The following INTS10 variants were observed in gnomAD, a reference collection of about 807,000 sequenced individuals.
The protein encoded by INTS10 is integrator complex subunit 10, also known as chromosome 8 open reading frame 35.
A neutral mutation model predicts 94.4 loss-of-function variants in INTS10; 44 were observed. That is an observed-to-expected ratio of 0.47 (90% CI 0.37 to 0.60). The LOEUF is 0.60. INTS10 is among the 20% of genes least tolerant of loss of function. The probability of loss-of-function intolerance (pLI) is 0.00; values close to 1 mark genes in which losing one functional copy is unlikely to be tolerated. For synonymous variants in INTS10, 341 were observed against 320.7 expected (o/e 1.06, Z -0.68); for missense variants, 797 against 868.7 (o/e 0.92, Z 1.04).
chr8:19,823,915 G>T lies in INTS10; in HGVS notation c.707G>T (p.Ser236Ile). Reference sequence around the variant, plus strand: ...GATTTAATGTCACCTAGCAAACGTAGCTCTCAGAAGTACATAATAGAAGGG... The same window carrying T: ...GATTTAATGTCACCTAGCAAACGTATCTCTCAGAAGTACATAATAGAAGGG... ...TSDLMSPSKR[S>I]SQKYIIEGLT... Residue 236 changes from serine (S) to isoleucine (I), a missense_variant, in exon 7 of 17, where the codon AGC (serine) becomes ATC (isoleucine). Around this residue, in one of 3 missense-constraint regions of INTS10, gnomAD observed 734 missense variants for 787.8 expected, o/e 0.93. Coordinates refer to ENST00000397977, the MANE Select transcript of INTS10 (RefSeq NM_018142.4). 1 of 1,612,154 alleles carries T rather than the reference G, an allele frequency of 6.2e-7. No individual in the cohort carries two copies. Among genetic ancestry groups the T allele is most frequent in the South Asian group, 1.1e-5 (1 of 90,606 alleles).
chr8:19,835,281 C>T (rs984625965), intron 12 of INTS10, among the ~76,000 whole-genome samples: 2 of 152,116 alleles, frequency 1.3e-5, no homozygotes, highest in African/African-American at 4.8e-5. Context: ...TCGTTGCTTT[C>T]TAAAATACTG....
chr8:19,833,519 A>G (rs2067408629), intron 12 of INTS10, among the ~76,000 whole-genome samples, 198 bp downstream of exon 12: 1 of 152,218 alleles, frequency 6.6e-6, no homozygotes, highest in South Asian at 2.1e-4. Flanking sequence ...CTTCCCTGAA[A>G]TAAGGCATCA....
intron 13 of INTS10, 30 bp from the exon 14 acceptor site, chr8:19,842,818 C>T (rs769915087): frequency 1.3e-6 from 2 of 1,489,466 alleles, no homozygotes. Context: ...TAATAACATA[C>T]ATTAACCTAA....
chr8:19,840,585 G>A lies in INTS10; in HGVS notation c.1640-2263G>A, dbSNP rs1008350989. ...ATCAAGACAGAGTTGACAAAATATC[G>A]ACATAAGAATGGAGAATCCAGAAAT... On this transcript the variant is annotated intron_variant, in intron 13 of 16. Transcript: ENST00000397977. Among the ~76,000 whole-genome samples the A allele has an allele frequency of 4.6e-5, 7 of 152,046 alleles. No homozygotes were observed. In the South Asian group the frequency reaches 8.3e-4, roughly 18 times the overall value.
chr8:19,830,532 C>T lies in INTS10; in HGVS notation c.1267C>T (p.Leu423Phe), dbSNP rs771504311. 6.2e-7 allele frequency: 1 copy of T among 1,613,772 alleles called. No homozygotes were observed. The highest frequency in any genetic ancestry group is 2.2e-5 in the East Asian group (1 of 44,876). ...ATTGGCCAGGGAGAGCTGGGAGTTG[C>T]TCTATTCCCTAGAATTCCTTGACAA... Reference protein sequence around the residue: ...FKLARESWELLYSLEFLDKEF... With the variant: ...FKLARESWELFYSLEFLDKEF... The change falls in exon 10 of 17, where the codon CTC (leucine) becomes TTC (phenylalanine). Residue 423 changes from leucine (L) to phenylalanine (F), a missense_variant. Transcript: ENST00000397977.
At chr8:19,826,396 G>T (rs746860212) in intron 8 of INTS10, 30 bp from the exon 9 acceptor site, 1 of 1,594,708 alleles carries the variant, frequency 6.3e-7, no homozygotes, top group Middle Eastern at 1.7e-4. Context: ...TGCTGCACTG[G>T]TAAGTGTTGG....
intron 13 of INTS10, among the ~76,000 whole-genome samples, chr8:19,837,815 GT>G (rs970232269): frequency 2.1e-4 from 32 of 149,130 alleles, no homozygotes; most frequent in Admixed American, 8.1e-4. Context: ...AAAACTGGAA[GT>G]TTTTTTTTTG....
intron 4 of INTS10, 107 bp downstream of exon 4, chr8:19,820,625 G>T: frequency 1.1e-6 from 1 of 941,430 alleles, no homozygotes; most frequent in South Asian, 2.3e-5. Flanking sequence ...AAGAGTACTG[G>T]TTAAGATTGA....
chr8:19,817,509 C>T lies in INTS10; in HGVS notation c.-29C>T, dbSNP rs774128452. ...CCAGAGCCGGACGTTCCGGCCGCTTCGGGCTGGCGGCTGGAGAGCGCTCGG... is the reference window on the plus strand; with the variant it reads ...CCAGAGCCGGACGTTCCGGCCGCTTTGGGCTGGCGGCTGGAGAGCGCTCGG... On this transcript the variant is annotated 5_prime_UTR_variant, in exon 1 of 17. Transcript: ENST00000397977. The T allele has an allele frequency of 1.1e-5, 18 of 1,597,370 alleles. No individual in the cohort carries two copies. The highest frequency in any genetic ancestry group is 2.2e-4 in the Middle Eastern group (1 of 4,574).
At chr8:19,829,859 G>A (rs1006855486) in intron 9 of INTS10, among the ~76,000 whole-genome samples, 8 of 152,060 alleles carry the variant, frequency 5.3e-5, no homozygotes, top group Non-Finnish European at 1.2e-4. Flanking sequence ...ATAGAGACTG[G>A]GTTTCGCCAT....
intron 4 of INTS10, 104 bp downstream of exon 4, chr8:19,820,622 C>A: frequency 9.9e-7 from 1 of 1,008,528 alleles, no homozygotes; most frequent in Non-Finnish European, 1.4e-6. Context: ...CTGAAGAGTA[C>A]TGGTTAAGAT....
chr8:19,838,000 G>C (rs529327588), intron 13 of INTS10, among the ~76,000 whole-genome samples: 2 of 152,172 alleles, frequency 1.3e-5, no homozygotes, highest in Non-Finnish European at 2.9e-5. Flanking sequence ...TAACAACTTA[G>C]ATGAAATGAA....
chr8:19,818,358 G>C lies in INTS10; in HGVS notation c.197+16G>C. The C allele has an allele frequency of 1.2e-6, 2 of 1,612,662 alleles. No individual in the cohort carries two copies. The highest frequency in any genetic ancestry group is 1.7e-6 in the Non-Finnish European group (2 of 1,179,314). On this transcript the variant is annotated intron_variant, in intron 2 of 16. Coordinates refer to ENST00000397977, the MANE Select transcript of INTS10 (RefSeq NM_018142.4). ...TGTACGACATGTGAGTGGGACGCTT[G>C]ACATCACTTTTACTGCACTGAATCT...
intron 2 of INTS10, among the ~76,000 whole-genome samples, chr8:19,819,178 T>C (rs2066173273): frequency 1.3e-5 from 2 of 152,220 alleles, no homozygotes; most frequent in South Asian, 2.1e-4. Context: ...GAAAATGGTA[T>C]CTTGCTATTT....
At position 19,830,428 on chromosome 8, in the gene INTS10, C is replaced by T. The variant is rs201728325; in HGVS notation, c.1163C>T (p.Ser388Leu). Residue 388 changes from serine to leucine, a missense_variant, in exon 10 of 17, where the codon TCG becomes TTG. Ser to Leu is a moderately radical substitution (Grantham distance 145, BLOSUM62 -2). This residue lies in a region of INTS10 where 734 missense variants were observed against 787.8 expected (regional missense o/e 0.93). Coordinates refer to ENST00000397977, the MANE Select transcript of INTS10 (RefSeq NM_018142.4). ...KTMSSDDEDC[S>L]AKGRNRHIVV... The stretch of plus-strand genomic sequence containing the variant: ...CAGAGTTCAGACGATGAAGACTGTT[C>T]GGCGAAAGGAAGAAATCGTCACATT... 23 of 1,613,624 alleles carry T rather than the reference C, an allele frequency of 1.4e-5. No individual in the cohort carries two copies. Among genetic ancestry groups the T allele is most frequent in the Non-Finnish European group, 1.8e-5 (21 of 1,179,834 alleles).
intron 10 of INTS10, among the ~76,000 whole-genome samples, 174 bp from the exon 11 acceptor site, chr8:19,831,854 T>C (rs1186917588): frequency 2.6e-5 from 4 of 151,900 alleles, no homozygotes; most frequent in African/African-American, 9.7e-5. Flanking sequence ...TACTGATAAG[T>C]GTTGTATGTT....
At chr8:19,835,808 C>T (rs2067609716) in intron 12 of INTS10, among the ~76,000 whole-genome samples, 2 of 152,314 alleles carry the variant, frequency 1.3e-5, no homozygotes, top group East Asian at 1.9e-4. Flanking sequence ...CAGCCATGAC[C>T]TAGGGCTGCT....
At chr8:19,823,818 A>AT (rs1675178181) in intron 6 of INTS10, 55 bp from the exon 7 acceptor site, 1 of 1,390,334 alleles carries the variant, frequency 7.2e-7, no homozygotes, top group Non-Finnish European at 9.8e-7. Context: ...ATCAGGTACC[A>AT]TGTCAACAGT....
In INTS10 at chr8:19,846,872, G is replaced by T. The variant is rs1455280738; in HGVS notation, c.1976+1075G>T. Among the ~76,000 whole-genome samples the T allele has an allele frequency of 6.6e-6, 1 of 152,180 alleles. No homozygotes were observed. The highest frequency in any genetic ancestry group is 1.5e-5 in the Non-Finnish European group (1 of 68,024). On this transcript the variant is annotated intron_variant, in intron 16 of 16. Coordinates refer to ENST00000397977, the MANE Select transcript of INTS10 (RefSeq NM_018142.4). This position sits in a 1 kb window ranked among gnomAD's most constrained non-coding sequence, Gnocchi z 4.2. Reference sequence around the variant, plus strand: ...CTCCTTTGCTTCCTGCACATTCAGTGTGTCTGTAAGTCAGTGTTAGAGTTT... The same window carrying T: ...CTCCTTTGCTTCCTGCACATTCAGTTTGTCTGTAAGTCAGTGTTAGAGTTT...
Sources: allele counts gnomAD v4.1 joint callset (sites outside exome capture counted in the v4.1 genomes callset), GRCh38; gene constraint gnomAD v4.1.1; regional missense constraint gnomAD v4.1.1; non-coding constraint Gnocchi (gnomAD v3.1); transcripts MANE v1.5; gene names NCBI Gene and HGNC (gene_info 2026-07-23, HGNC 2026-07-21).